SLIT2: variants seen among roughly 807,000 people sequenced by gnomAD.
The protein encoded by SLIT2 is slit guidance ligand 2.
In SLIT2, 41 loss-of-function variants were observed where a neutral mutation model predicts 185.7. That is an observed-to-expected ratio of 0.22 (90% CI 0.17 to 0.29). SLIT2 has a LOEUF of 0.29. Among genes scored for constraint, SLIT2 ranks in the 10% least tolerant of loss-of-function variants. The pLI is 1.00. For missense variants in SLIT2, 1,571 were observed against 1,909.0 expected, an observed-to-expected ratio of 0.82 and a Z score of 3.30; for synonymous variants, 693 against 680.2, an observed-to-expected ratio of 1.02 and a Z score of -0.29.
intron 9 of SLIT2, among the ~76,000 whole-genome samples, chr4:20,503,108 G>C (rs1718887617): frequency 6.6e-6 from 1 of 152,090 alleles, no homozygotes; most frequent in South Asian, 2.1e-4. Context: ...TCTCATAATT[G>C]GTAAAAGTGT....
intron 4 of SLIT2, among the ~76,000 whole-genome samples, chr4:20,296,646 A>G (rs534882298): frequency 1.3e-3 from 196 of 152,304 alleles, no homozygotes; most frequent in African/African-American, 4.1e-3. Context: ...GGCGTCATGG[A>G]TGTAAACAGT....
chr4:20,481,764 A>G (rs1470594118), intron 6 of SLIT2, among the ~76,000 whole-genome samples: 3 of 152,090 alleles, frequency 2.0e-5, no homozygotes, highest in African/African-American at 7.2e-5. Flanking sequence ...CTTTCAGCTA[A>G]AATGGCTTAT....
intron 4 of SLIT2, among the ~76,000 whole-genome samples, chr4:20,462,950 C>T (rs1488895779): frequency 6.6e-6 from 1 of 152,092 alleles, no homozygotes; most frequent in East Asian, 1.9e-4. Flanking sequence ...ATGTATGAAA[C>T]CATCACCTCT....
chr4:20,497,762 G>A (rs1173390882), intron 9 of SLIT2, among the ~76,000 whole-genome samples: 1 of 152,108 alleles, frequency 6.6e-6, no homozygotes, highest in Non-Finnish European at 1.5e-5. Context: ...CACCATTTCT[G>A]CCCCAATACT....
chr4:20,556,141 T>A (rs11945956), intron 26 of SLIT2, among the ~76,000 whole-genome samples: 5,583 of 152,070 alleles, frequency 0.037, 411 homozygotes, highest in African/African-American at 0.13. Context: ...TTGCAAGAAT[T>A]TTTGCAATAA....
At chr4:20,448,493 G>T (rs1712082810) in intron 4 of SLIT2, among the ~76,000 whole-genome samples, 1 of 151,914 alleles carries the variant, frequency 6.6e-6, no homozygotes, top group African/African-American at 2.4e-5. Context: ...GCCAATTTTT[G>T]TATTTTTAGT....
chr4:20,606,211 T>C (rs1463755782), intron 33 of SLIT2, among the ~76,000 whole-genome samples: 12 of 152,166 alleles, frequency 7.9e-5, no homozygotes, highest in Non-Finnish European at 1.6e-4. Flanking sequence ...AAAAACCAAA[T>C]TGGCCAGTCA....
At chr4:20,466,542 G>A (rs964573368) in intron 4 of SLIT2, among the ~76,000 whole-genome samples, 1 of 152,104 alleles carries the variant, frequency 6.6e-6, no homozygotes, top group African/African-American at 2.4e-5. Flanking sequence ...AGATATAAAT[G>A]CAATTCTTCG....
At chr4:20,559,274 A>G (rs994577047) in intron 26 of SLIT2, among the ~76,000 whole-genome samples, 1 of 152,026 alleles carries the variant, frequency 6.6e-6, no homozygotes, top group Non-Finnish European at 1.5e-5. Flanking sequence ...TTCAAAGTAT[A>G]CCTTAAATAG....
chr4:20,559,752 A>G (rs543012805), intron 26 of SLIT2, among the ~76,000 whole-genome samples: 35 of 152,052 alleles, frequency 2.3e-4, no homozygotes, highest in South Asian at 1.5e-3. Flanking sequence ...TCAGCTGCCG[A>G]CTGGAGTCAG....
chr4:20,579,774 G>A (rs1051367522), intron 29 of SLIT2, among the ~76,000 whole-genome samples: 3 of 151,232 alleles, frequency 2.0e-5, no homozygotes, highest in African/African-American at 7.3e-5. Flanking sequence ...TACTCATTTC[G>A]GGAAACATTT....
intron 4 of SLIT2, among the ~76,000 whole-genome samples, chr4:20,359,374 T>C (rs993905417): frequency 6.6e-6 from 1 of 152,098 alleles, no homozygotes; most frequent in Non-Finnish European, 1.5e-5. Context: ...TGAGCCAGTA[T>C]TACAAAGGGC....
At chr4:20,527,826 C>T (rs564118862) in intron 15 of SLIT2, among the ~76,000 whole-genome samples, 1 of 152,200 alleles carries the variant, frequency 6.6e-6, no homozygotes, top group Admixed American at 6.5e-5. Flanking sequence ...TTCTTTCCTT[C>T]TTGGTGATCT....
At chr4:20,464,203 G>A (rs1331352261) in intron 4 of SLIT2, among the ~76,000 whole-genome samples, 2 of 152,102 alleles carry the variant, frequency 1.3e-5, no homozygotes, top group Non-Finnish European at 2.9e-5. Context: ...TGTCATATAA[G>A]TCTTTATCTA....
At chr4:20,616,833 A>G (rs1043352517) in intron 34 of SLIT2, 77 bp from the exon 35 acceptor site, 1 of 1,480,328 alleles carries the variant, frequency 6.8e-7, no homozygotes, top group Non-Finnish European at 9.1e-7. Flanking sequence ...TGAGGTCCCA[A>G]GCATCAGTAT....
intron 4 of SLIT2, among the ~76,000 whole-genome samples, chr4:20,318,112 G>A (rs1718751524): frequency 6.6e-6 from 1 of 152,012 alleles, no homozygotes; most frequent in South Asian, 2.1e-4. Context: ...TCCATTTTAT[G>A]CTTGTTTCCA....
chr4:20,482,649 A>G (rs1056670749), intron 6 of SLIT2, among the ~76,000 whole-genome samples: 1 of 151,996 alleles, frequency 6.6e-6, no homozygotes, highest in African/African-American at 2.4e-5. Flanking sequence ...GAAATCCAAA[A>G]TCTTGGAAAC....
chr4:20,398,952 A>T (rs898029938), intron 4 of SLIT2, among the ~76,000 whole-genome samples: 4 of 151,644 alleles, frequency 2.6e-5, no homozygotes, highest in Non-Finnish European at 4.4e-5. Context: ...CCCATGAAAA[A>T]CCTATATATA....
At chr4:20,357,435 AAC>A (rs1366450828) in intron 4 of SLIT2, among the ~76,000 whole-genome samples, 1 of 152,150 alleles carries the variant, frequency 6.6e-6, no homozygotes, top group African/African-American at 2.4e-5. Flanking sequence ...ACTTAATAAC[AAC>A]AACAAATTAG....
Sources: allele counts gnomAD v4.1 joint callset (sites outside exome capture counted in the v4.1 genomes callset), GRCh38; gene constraint gnomAD v4.1.1; transcripts MANE v1.5; gene names NCBI Gene and HGNC (gene_info 2026-07-23, HGNC 2026-07-21).